The following IFT80 variants were observed in gnomAD, a reference collection of about 807,000 sequenced individuals.
IFT80 encodes the protein intraflagellar transport protein 80 homolog.
A neutral mutation model predicts 107.9 loss-of-function variants in IFT80; 79 were observed. That is an observed-to-expected ratio of 0.73 (90% CI 0.61 to 0.88). IFT80 has a LOEUF of 0.88. Among genes scored for constraint, IFT80 ranks in the 40% least tolerant of loss-of-function variants. IFT80 has a pLI of 0.00. For missense variants in IFT80, 797 were observed against 914.2 expected (o/e 0.87, Z 1.65); for synonymous variants, 299 against 300.9 (o/e 0.99, Z 0.07).
At chr3:160,392,467 GT>G (rs1713459544) in intron 1 of IFT80, among the ~76,000 whole-genome samples, 1 of 151,956 alleles carries the variant, frequency 6.6e-6, no homozygotes, top group African/African-American at 2.4e-5. Flanking sequence ...AATCAAAACC[GT>G]GATTTTCCCT....
chr3:160,318,168 T>A (rs1009947246), intron 9 of IFT80, among the ~76,000 whole-genome samples: 1 of 151,620 alleles, frequency 6.6e-6, no homozygotes, highest in Non-Finnish European at 1.5e-5. Flanking sequence ...GGGTGATGAG[T>A]ACATGGGGAT....
At chr3:160,321,048 G>C (rs1302116870) in intron 8 of IFT80, among the ~76,000 whole-genome samples, 1 of 151,736 alleles carries the variant, frequency 6.6e-6, no homozygotes, top group Non-Finnish European at 1.5e-5. Context: ...TTCAGTAAAG[G>C]CCTAATAATA....
intron 5 of IFT80, among the ~76,000 whole-genome samples, chr3:160,374,465 G>C (rs1432916545): frequency 6.6e-6 from 1 of 151,946 alleles, no homozygotes; most frequent in Non-Finnish European, 1.5e-5. Context: ...GGTGGATAGT[G>C]GGATGGGCTT....
At chr3:160,319,194 A>C (rs1351726208) in intron 9 of IFT80, among the ~76,000 whole-genome samples, 5 of 151,950 alleles carry the variant, frequency 3.3e-5, no homozygotes, top group African/African-American at 9.7e-5. Context: ...TTTCTTATTA[A>C]TATATCTTTT....
intron 8 of IFT80, among the ~76,000 whole-genome samples, chr3:160,336,826 A>G (rs1341733793): frequency 6.6e-6 from 1 of 152,070 alleles, no homozygotes; most frequent in Non-Finnish European, 1.5e-5. Flanking sequence ...GTATTCAGGA[A>G]AGTTTCCATT....
At chr3:160,326,226 C>T (rs1199599837) in intron 8 of IFT80, among the ~76,000 whole-genome samples, 1 of 152,010 alleles carries the variant, frequency 6.6e-6, no homozygotes, top group Non-Finnish European at 1.5e-5. Context: ...AAAACCTAAT[C>T]AGCAGAGAAT....
chr3:160,347,959 T>C (rs999930075), intron 8 of IFT80, among the ~76,000 whole-genome samples: 1 of 152,170 alleles, frequency 6.6e-6, no homozygotes, highest in Non-Finnish European at 1.5e-5. Context: ...CATTTGGATA[T>C]GTATTATCAA....
intron 1 of IFT80, among the ~76,000 whole-genome samples, chr3:160,387,489 G>A (rs1425591914): frequency 6.6e-6 from 1 of 152,202 alleles, no homozygotes; most frequent in Non-Finnish European, 1.5e-5. Context: ...GGGCGTCAGA[G>A]TGAGACTCAG....
intron 6 of IFT80, among the ~76,000 whole-genome samples, chr3:160,359,366 A>G (rs1721331580): frequency 1.3e-5 from 2 of 152,186 alleles, no homozygotes; most frequent in African/African-American, 4.8e-5. Context: ...ACAAATTTAC[A>G]GGGACACCAT....
chr3:160,354,509 C>T (rs1391877412), intron 8 of IFT80, among the ~76,000 whole-genome samples: 3 of 151,936 alleles, frequency 2.0e-5, no homozygotes, highest in Admixed American at 6.6e-5. Flanking sequence ...AAAAACTAGC[C>T]GGGCGTGGTG....
At chr3:160,375,967 T>C in intron 4 of IFT80, 87 bp from the exon 5 acceptor site, 1 of 808,620 alleles carries the variant, frequency 1.2e-6, no homozygotes, top group Non-Finnish European at 2.1e-6. Flanking sequence ...ATCAACAGTA[T>C]CTACCGCATA....
intron 10 of IFT80, among the ~76,000 whole-genome samples, chr3:160,305,553 C>A (rs1716776120): frequency 1.3e-5 from 2 of 151,968 alleles, no homozygotes; most frequent in South Asian, 4.2e-4. Context: ...GGTTTAATAT[C>A]CCCTTAGAAA....
rs769170626 is a variant in IFT80, at chr3:160,381,763, C to T, written c.38-39G>A. On this transcript the variant is annotated intron_variant, in intron 2 of 19. Coordinates refer to ENST00000326448, the MANE Select transcript of IFT80 (RefSeq NM_020800.3). The stretch of plus-strand genomic sequence containing the variant: ...AAAGAGACATAAAACATACAAAAGT[C>T]TTTAATCTTAATGAATAATTCACAG... 402 of 1,507,520 alleles carry T rather than the reference C, an allele frequency of 2.7e-4. 1 individual carries two copies. The Middle Eastern group carries it at 4.2e-3, about 16-fold the overall frequency. 93.4% of individuals were successfully genotyped at this position (1,507,520 alleles called of 1,614,324 possible). A position where few individuals can be genotyped will look rare whatever the true frequency, so the allele number is the denominator to read the frequency against.
chr3:160,288,743 C>T (rs1715302470), intron 12 of IFT80, among the ~76,000 whole-genome samples: 1 of 152,090 alleles, frequency 6.6e-6, no homozygotes. Context: ...AAATACAGAT[C>T]AAAACCACAA....
chr3:160,362,305 T>G (rs1263099366), intron 6 of IFT80, among the ~76,000 whole-genome samples: 1 of 152,010 alleles, frequency 6.6e-6, no homozygotes, highest in East Asian at 1.9e-4. Flanking sequence ...TGGACACATA[T>G]GCCCTCCCAA....
chr3:160,297,877 C>T (rs1363715460), intron 12 of IFT80, among the ~76,000 whole-genome samples: 1 of 152,052 alleles, frequency 6.6e-6, no homozygotes, highest in Non-Finnish European at 1.5e-5. Context: ...CTATGGGAGG[C>T]TGGTCCTGTT....
chr3:160,296,258 G>A (rs1715975645), intron 12 of IFT80, among the ~76,000 whole-genome samples: 1 of 152,164 alleles, frequency 6.6e-6, no homozygotes, highest in African/African-American at 2.4e-5. Flanking sequence ...TTAAGATCAT[G>A]TAAGTATTTT....
intron 12 of IFT80, 144 bp from the exon 13 acceptor site, chr3:160,286,012 A>T: frequency 1.7e-6 from 1 of 581,496 alleles, no homozygotes; most frequent in South Asian, 2.4e-5. Context: ...TTAATTTATT[A>T]ATGTGGTCAC....
chr3:160,380,093 C>T (rs1004254094), intron 3 of IFT80, among the ~76,000 whole-genome samples: 3 of 149,372 alleles, frequency 2.0e-5, no homozygotes, highest in Non-Finnish European at 3.0e-5. Flanking sequence ...AGTGCAATGG[C>T]GCAATCTCAG....
Sources: gnomAD v4.1 joint callset for allele counts (sites outside exome capture counted in the v4.1 genomes callset) on GRCh38, gnomAD v4.1.1 for gene constraint, MANE v1.5 for transcripts, NCBI Gene and HGNC (gene_info 2026-07-23, HGNC 2026-07-21) for gene names.